Variants in ADGRB3 observed in about 807,000 individuals in gnomAD.
ADGRB3 encodes the protein brain-specific angiogenesis inhibitor 3.
In ADGRB3, 37 loss-of-function variants were observed where a neutral mutation model predicts 193.4. The observed-to-expected ratio is 0.19, with a 90% CI of 0.15 to 0.25. The LOEUF (loss-of-function observed/expected upper bound fraction) is 0.25. ADGRB3 is among the 10% of genes least tolerant of loss of function. ADGRB3 has a pLI of 1.00. For missense variants in ADGRB3, 1,637 were observed against 1,852.9 expected (o/e 0.88, Z 2.14); for synonymous variants, 690 against 644.2 (o/e 1.07, Z -1.08).
chr6:68,795,293 TA>T (rs1413023883), intron 3 of ADGRB3, among the ~76,000 whole-genome samples: 2 of 151,992 alleles, frequency 1.3e-5, no homozygotes, highest in Non-Finnish European at 2.9e-5. Flanking sequence ...AATAGAAAAT[TA>T]AAGTTATCTT....
At chr6:69,065,819 G>T (rs952843710) in intron 16 of ADGRB3, among the ~76,000 whole-genome samples, 1 of 133,088 alleles carries the variant, frequency 7.5e-6, no homozygotes, top group African/African-American at 2.6e-5. Flanking sequence ...ATATTCAGTT[G>T]GCCCTCAGTA....
At chr6:69,306,332 T>C (rs1409649327) in intron 20 of ADGRB3, among the ~76,000 whole-genome samples, 1 of 151,576 alleles carries the variant, frequency 6.6e-6, no homozygotes, top group Non-Finnish European at 1.5e-5. Context: ...CTAACATTTT[T>C]CTCTTGTTTT....
At chr6:68,979,399 C>T (rs1768842200) in intron 10 of ADGRB3, among the ~76,000 whole-genome samples, 2 of 151,200 alleles carry the variant, frequency 1.3e-5, no homozygotes, top group South Asian at 2.1e-4. Context: ...TGAAATTATT[C>T]GGCCATTGTA....
chr6:68,956,347 G>T (rs1276506539), intron 7 of ADGRB3, among the ~76,000 whole-genome samples, 159 bp downstream of exon 7: 1 of 151,596 alleles, frequency 6.6e-6, no homozygotes, highest in African/African-American at 2.4e-5. Flanking sequence ...ATTTATTAAT[G>T]AAGCCGATTA....
intron 15 of ADGRB3, among the ~76,000 whole-genome samples, chr6:69,052,052 G>C (rs1446970925): frequency 3.9e-5 from 6 of 152,012 alleles, no homozygotes; most frequent in Non-Finnish European, 8.8e-5. Flanking sequence ...CACCACGCCG[G>C]GCTAATTTTG....
In ADGRB3 at chr6:69,006,545, AC is replaced by A. The variant is rs2150281779; in HGVS notation, c.1930-7490del. ...TTTTAAGATGGAGTCTCGCTCTGTCACCCAGGCTGGAGTGCAGTGGCATGAT... is the reference window on the plus strand; with the variant it reads ...TTTTAAGATGGAGTCTCGCTCTGTCACCAGGCTGGAGTGCAGTGGCATGAT... On this transcript the variant is annotated intron_variant, in intron 11 of 31. Coordinates refer to ENST00000370598, the MANE Select transcript of ADGRB3 (RefSeq NM_001704.3). Among the ~76,000 whole-genome samples the A allele has an allele frequency of 2.0e-5, 3 of 149,364 alleles. 1 individual carries two copies. In the South Asian group the frequency reaches 6.3e-4, roughly 32 times the overall value.
intron 17 of ADGRB3, among the ~76,000 whole-genome samples, chr6:69,179,473 C>G (rs7770042): frequency 1.8e-3 from 272 of 152,176 alleles, no homozygotes; most frequent in African/African-American, 6.1e-3. Context: ...AAATTTTAAT[C>G]TGTCATTTGA....
chr6:69,092,902 T>C (rs1234603165), intron 17 of ADGRB3, among the ~76,000 whole-genome samples: 1 of 152,040 alleles, frequency 6.6e-6, no homozygotes, highest in Non-Finnish European at 1.5e-5. Context: ...ACTTACCTTG[T>C]TGAGAAAGGA....
chr6:69,147,593 C>A (rs1205093770), intron 17 of ADGRB3, among the ~76,000 whole-genome samples: 1 of 152,122 alleles, frequency 6.6e-6, no homozygotes, highest in Non-Finnish European at 1.5e-5. Flanking sequence ...GAACTACATG[C>A]AGAGAAGAAG....
chr6:69,388,754 G>A lies in ADGRB3; in HGVS notation c.4432G>A (p.Glu1478Lys), dbSNP rs776701796. 7.4e-6 allele frequency: 12 copies of A among 1,613,378 alleles called. No individual in the cohort carries two copies. Among genetic ancestry groups the A allele is most frequent in the Non-Finnish European group, 1.0e-5 (12 of 1,179,610 alleles). The change falls in exon 32 of 32, where the codon GAA (glutamate) becomes AAA (lysine). Residue 1478 changes from glutamate (E) to lysine (K), a missense_variant. By Grantham distance (56) the Glu-to-Lys change is moderately conservative. Coordinates refer to ENST00000370598, the MANE Select transcript of ADGRB3 (RefSeq NM_001704.3). Reference protein sequence around the residue: ...NPWDTFKNPSEYPHYTTINVL... With the variant: ...NPWDTFKNPSKYPHYTTINVL... Reference sequence around the variant, plus strand: ...ATGGGACACTTTCAAAAACCCCAGTGAATACCCGCATTACACCACAATCAA... The same window carrying A: ...ATGGGACACTTTCAAAAACCCCAGTAAATACCCGCATTACACCACAATCAA...
At chr6:68,777,539 A>G (rs926704188) in intron 3 of ADGRB3, among the ~76,000 whole-genome samples, 1 of 152,040 alleles carries the variant, frequency 6.6e-6, no homozygotes, top group African/African-American at 2.4e-5. Flanking sequence ...GGTGTAAGGG[A>G]AAAATATCTT....
At chr6:68,996,309 C>T (rs1296518624) in intron 11 of ADGRB3, among the ~76,000 whole-genome samples, 1 of 152,086 alleles carries the variant, frequency 6.6e-6, no homozygotes, top group African/African-American at 2.4e-5. Context: ...TACATGATTT[C>T]TGTGGCCTCT....
intron 3 of ADGRB3, among the ~76,000 whole-genome samples, chr6:68,652,524 G>T (rs1000266367): frequency 1.3e-5 from 2 of 151,660 alleles, no homozygotes; most frequent in African/African-American, 4.8e-5. Flanking sequence ...TTCCACCCTG[G>T]GCTCCCAAAC....
At chr6:68,954,230 T>G (rs756156889) in intron 6 of ADGRB3, among the ~76,000 whole-genome samples, 6 of 152,242 alleles carry the variant, frequency 3.9e-5, no homozygotes, top group Non-Finnish European at 7.3e-5. Context: ...TTTATTTATT[T>G]ATTTATTCAT....
chr6:69,371,033 G>A (rs1463128216), intron 29 of ADGRB3, among the ~76,000 whole-genome samples: 1 of 152,052 alleles, frequency 6.6e-6, no homozygotes, highest in East Asian at 1.9e-4. Context: ...TTGGAGACAA[G>A]AAGAAAGTGA....
chr6:69,357,010 A>G (rs1769351335), intron 28 of ADGRB3, among the ~76,000 whole-genome samples: 1 of 152,096 alleles, frequency 6.6e-6, no homozygotes, highest in African/African-American at 2.4e-5. Context: ...CTTCATCTAA[A>G]TATCCAACTA....
chr6:69,003,795 G>A (rs534362513), intron 11 of ADGRB3, among the ~76,000 whole-genome samples: 4 of 152,072 alleles, frequency 2.6e-5, no homozygotes, highest in South Asian at 2.1e-4. Flanking sequence ...AAATCCTACC[G>A]TGAACGAATC....
chr6:68,866,878 G>A (rs1265713910), intron 3 of ADGRB3, among the ~76,000 whole-genome samples: 4 of 152,158 alleles, frequency 2.6e-5, no homozygotes, highest in East Asian at 3.9e-4. Context: ...AAGTAAAAAA[G>A]CATTCAAGAT....
chr6:68,971,700 T>A (rs1768575468), intron 8 of ADGRB3, among the ~76,000 whole-genome samples: 1 of 152,254 alleles, frequency 6.6e-6, no homozygotes, highest in Admixed American at 6.5e-5. Context: ...GTAGAAGGCA[T>A]GTGTCCAGGC....
Sources: gnomAD v4.1 joint callset for allele counts (sites outside exome capture counted in the v4.1 genomes callset) on GRCh38, gnomAD v4.1.1 for gene constraint, MANE v1.5 for transcripts, NCBI Gene and HGNC (gene_info 2026-07-23, HGNC 2026-07-21) for gene names.